The following DYNLT2 variants were observed in gnomAD, a reference collection of about 807,000 sequenced individuals.
DYNLT2 encodes the protein dynein light chain Tctex-type protein 2.
Under a neutral mutation model 24.3 loss-of-function variants are expected in DYNLT2, and 24 were observed. The ratio of observed to expected loss-of-function variants is 0.99; its 90% confidence interval spans 0.71 to 1.39. DYNLT2 has a LOEUF of 1.39. Among genes scored for constraint, DYNLT2 ranks in the 40% most tolerant of loss-of-function variants. The pLI is 0.00. For missense variants in DYNLT2, 246 were observed against 234.5 expected, an observed-to-expected ratio of 1.05 and a Z score of -0.32; for synonymous variants, 85 against 85.4, an observed-to-expected ratio of 1.00 and a Z score of 0.03.
the DYNLT2 span, chr6:169,725,579 A>T: frequency 2.7e-6 from 1 of 365,626 alleles, no homozygotes; most frequent in Non-Finnish European, 4.9e-6. Flanking sequence ...TCTGCCAAGA[A>T]GAAACTGCAT....
At chr6:169,744,774 A>G (rs1199867004) in intron 1 of DYNLT2, among the ~76,000 whole-genome samples, 1 of 152,244 alleles carries the variant, frequency 6.6e-6, no homozygotes, top group Non-Finnish European at 1.5e-5. Flanking sequence ...AGACACCAAA[A>G]GAGCATTGAT....
the DYNLT2 span, chr6:169,725,604 C>G: frequency 3.1e-6 from 1 of 317,638 alleles, no homozygotes; most frequent in Non-Finnish European, 5.7e-6. Context: ...CAGCTAAATT[C>G]TTTTCACTGA....
In DYNLT2 at chr6:169,743,065, C is replaced by T; in HGVS notation, c.486+15G>A. On this transcript the variant is annotated intron_variant, in intron 3 of 3. Transcript: ENST00000366774. ...TAGTTCTAATTGCTAGATCCTGTAT[C>T]AATGGGGTACTTACATTTATTGCTT... 1 of 1,514,680 alleles carries T rather than the reference C, an allele frequency of 6.6e-7. No homozygotes were observed. The highest frequency in any genetic ancestry group is 8.9e-7 in the Non-Finnish European group (1 of 1,119,716). 93.8% of individuals were successfully genotyped at this position (1,514,680 alleles called of 1,614,324 possible).
intron 1 of DYNLT2, among the ~76,000 whole-genome samples, chr6:169,747,700 GA>G (rs1268932139): frequency 6.6e-6 from 1 of 152,014 alleles, no homozygotes; most frequent in Non-Finnish European, 1.5e-5. Context: ...TAAATTTGAC[GA>G]AAACTAATAA....
the DYNLT2 span, among the ~76,000 whole-genome samples, chr6:169,727,410 G>A: frequency 6.6e-6 from 1 of 152,136 alleles, no homozygotes; most frequent in Non-Finnish European, 1.5e-5. Flanking sequence ...GAGAGGAAAT[G>A]CTACTGGAAG....
At chr6:169,728,242 A>G in the DYNLT2 span, among the ~76,000 whole-genome samples, 1 of 152,216 alleles carries the variant, frequency 6.6e-6, no homozygotes, top group African/African-American at 2.4e-5. Context: ...AAGCTGGACA[A>G]GGTAGGAAAT....
the DYNLT2 span, among the ~76,000 whole-genome samples, chr6:169,729,722 GAT>G: frequency 6.6e-6 from 1 of 152,168 alleles, no homozygotes; most frequent in Non-Finnish European, 1.5e-5. Context: ...GAGTCCCCAT[GAT>G]GGGGATTAAT....
At chr6:169,731,838 A>G in the DYNLT2 span, among the ~76,000 whole-genome samples, 26,823 of 152,172 alleles carry the variant, frequency 0.18, 2,899 homozygotes, top group East Asian at 0.3. Context: ...AAAGAACAGA[A>G]CTAAAGGTAA....
chr6:169,744,003 T>C, intron 2 of DYNLT2, 65 bp downstream of exon 2: 2 of 1,474,490 alleles, frequency 1.4e-6, no homozygotes, highest in South Asian at 2.4e-5. Context: ...TCTTCGTATA[T>C]ATAATTTCTG....
chr6:169,750,315 AG>A (rs1789948053), intron 1 of DYNLT2: 2 of 152,142 alleles, frequency 1.3e-5, no homozygotes. Context: ...GGGAGTGTGA[AG>A]TTTTAAGTCC....
chr6:169,737,952 C>T (rs1389280169), downstream of DYNLT2, among the ~76,000 whole-genome samples: 1 of 152,198 alleles, frequency 6.6e-6, no homozygotes, highest in Non-Finnish European at 1.5e-5. Context: ...AGCCACCCCT[C>T]CCACTAGGGT....
At chr6:169,725,182 G>T in the DYNLT2 span, 1 of 398,740 alleles carries the variant, frequency 2.5e-6, no homozygotes, top group East Asian at 3.6e-5. Flanking sequence ...GCCAAGCCTG[G>T]GTCCGGGGCG....
chr6:169,748,260 C>T (rs1366926961), intron 1 of DYNLT2, among the ~76,000 whole-genome samples: 1 of 152,142 alleles, frequency 6.6e-6, no homozygotes, highest in African/African-American at 2.4e-5. Flanking sequence ...ATACTCTGCT[C>T]TCCAGTCTCA....
rs1350600152 is a variant in DYNLT2 at position 169,751,473 on chromosome 6, C to G, written c.-15G>C. Reference sequence around the variant, plus strand: ...CGCTTCTCCATCTCGCTCTGTTCTCCAAGACGCCCACCGCCTCCCCTTCAC... The same window carrying G: ...CGCTTCTCCATCTCGCTCTGTTCTCGAAGACGCCCACCGCCTCCCCTTCAC... On this transcript the variant is annotated 5_prime_UTR_variant, in exon 1 of 4. Transcript: ENST00000366774. 2 of 1,612,764 alleles carry G rather than the reference C, an allele frequency of 1.2e-6. No homozygotes were observed. Among genetic ancestry groups the G allele is most frequent in the Admixed American group, 3.3e-5 (2 of 59,934 alleles).
In DYNLT2 at chr6:169,751,391, G is replaced by A. The variant is rs767579972; in HGVS notation, c.68C>T (p.Ala23Val). The change falls in exon 1 of 4, where the codon GCT becomes GTT. Residue 23 changes from alanine (A) to valine (V), a missense_variant. Coordinates refer to ENST00000366774, the MANE Select transcript of DYNLT2 (RefSeq NM_174910.3). ...CCTTTCTTTCCTAGGCGTCACCGGA[G>A]CCTGCTGAGGGGTCTGGTTCGGGGT... ...IQTPNQTPQQ[A>V]PVTPRKERRP... 1.9e-6 allele frequency: 3 copies of A among 1,614,056 alleles called. No individual in the cohort carries two copies. Among genetic ancestry groups the A allele is most frequent in the Non-Finnish European group, 2.5e-6 (3 of 1,180,026 alleles).
At chr6:169,751,247 G>T (rs1790036349) in intron 1 of DYNLT2, 92 bp downstream of exon 1, 28 of 1,513,498 alleles carry the variant, frequency 1.9e-5, no homozygotes, top group Non-Finnish European at 2.5e-5. Context: ...TTGGCTCTGG[G>T]GGTGGTGACG....
In DYNLT2 at chr6:169,751,453, C is replaced by T; in HGVS notation, c.6G>A (p.Glu2=). The change falls in exon 1 of 4, where the codon GAG becomes GAA. Residue 2 remains glutamate, a synonymous_variant. Transcript: ENST00000366774. M[E]KRGRGVKSSP... ...TCGACTTCACGCCTCGGCCTCGCTT[C>T]TCCATCTCGCTCTGTTCTCCAAGAC... The T allele has an allele frequency of 1.2e-6, 2 of 1,613,900 alleles. No homozygotes were observed. The highest frequency in any genetic ancestry group is 2.2e-5 in the East Asian group (1 of 44,872).
intron 1 of DYNLT2, among the ~76,000 whole-genome samples, chr6:169,747,582 CCT>C (rs1413408064): frequency 2.0e-5 from 3 of 152,140 alleles, no homozygotes; most frequent in South Asian, 4.1e-4. Context: ...TATTTTCATC[CCT>C]GACATAGTAT....
chr6:169,725,660 AC>A, the DYNLT2 span: 1,276 of 206,652 alleles, frequency 6.2e-3, 12 homozygotes, highest in African/African-American at 0.027. Context: ...AAAAACAAAA[AC>A]AAAAAAAAAC....
Sources: gnomAD v4.1 joint callset for allele counts (sites outside exome capture counted in the v4.1 genomes callset) on GRCh38, gnomAD v4.1.1 for gene constraint, MANE v1.5 for transcripts, NCBI Gene and HGNC (gene_info 2026-07-23, HGNC 2026-07-21) for gene names.